The following CRPPA variants were observed in gnomAD, a reference collection of about 807,000 sequenced individuals.
CRPPA encodes the protein D-ribitol-5-phosphate cytidylyltransferase.
Under a neutral mutation model 52.0 loss-of-function variants are expected in CRPPA, and 43 were observed. The ratio of observed to expected loss-of-function variants is 0.83; its 90% confidence interval spans 0.65 to 1.07. The LOEUF (loss-of-function observed/expected upper bound fraction) is 1.07, where lower values mean the gene tolerates loss of function less well. Among genes scored for constraint, CRPPA ranks in the 50% least tolerant of loss-of-function variants. The pLI, the probability that CRPPA is intolerant of heterozygous loss-of-function variation, is 0.00. For missense variants in CRPPA, 629 were observed against 551.7 expected (o/e 1.14, Z -1.40); for synonymous variants, 250 against 203.5 (o/e 1.23, Z -1.94).
chr7:16,275,077 A>C (rs1038989785), intron 6 of CRPPA, among the ~76,000 whole-genome samples: 1 of 152,080 alleles, frequency 6.6e-6, no homozygotes, highest in South Asian at 2.1e-4. Flanking sequence ...CAGTGTCTAA[A>C]AAAAAATAAT....
At chr7:16,370,607 T>G (rs1296831787) in intron 3 of CRPPA, among the ~76,000 whole-genome samples, 1 of 152,064 alleles carries the variant, frequency 6.6e-6, no homozygotes, top group East Asian at 1.9e-4. Context: ...GACAAGAGAA[T>G]CTAAACAACA....
intron 4 of CRPPA, among the ~76,000 whole-genome samples, chr7:16,308,046 T>A (rs1784951964): frequency 6.6e-6 from 1 of 152,058 alleles, no homozygotes; most frequent in Non-Finnish European, 1.5e-5. Context: ...GGGGCAGATT[T>A]CCGCCTTGGA....
At chr7:16,152,836 T>C (rs1783103595) in intron 9 of CRPPA, among the ~76,000 whole-genome samples, 1 of 152,018 alleles carries the variant, frequency 6.6e-6, no homozygotes, top group Non-Finnish European at 1.5e-5. Context: ...TATATAAAGT[T>C]CTCAAAATAT....
rs1229820734 is a variant in CRPPA at position 16,124,923 on chromosome 7, AAAAG to A, written c.1252-33128_1252-33125del. Among the ~76,000 whole-genome samples, 4 of 152,084 alleles carry A rather than the reference AAAAG, an allele frequency of 2.6e-5. No homozygotes were observed. The East Asian group carries it at 7.7e-4, about 29-fold the overall frequency. ...TTGAGGAGTGGAAAGAGGAAGACAAAAAAGAAAGAATAGCTTTTTTGAAACCAAA... is the reference window on the plus strand; with the variant it reads ...TTGAGGAGTGGAAAGAGGAAGACAAAAAAGAATAGCTTTTTTGAAACCAAA... On this transcript the variant is annotated intron_variant, in intron 9 of 9. Coordinates refer to ENST00000407010, the MANE Select transcript of CRPPA (RefSeq NM_001101426.4).
At chr7:16,302,295 CAAAAAAA>C (rs34666735) in intron 4 of CRPPA, among the ~76,000 whole-genome samples, 31 of 53,374 alleles carry the variant, frequency 5.8e-4, no homozygotes, top group African/African-American at 2.1e-3. Context: ...GACTCTGTCT[CAAAAAAA>C]AAAAAAAAAA....
At chr7:16,150,345 T>C (rs1444862947) in intron 9 of CRPPA, among the ~76,000 whole-genome samples, 1 of 152,184 alleles carries the variant, frequency 6.6e-6, no homozygotes, top group Non-Finnish European at 1.5e-5. Context: ...ACATTTCCTG[T>C]CTAATTAAGA....
At chr7:16,383,071 C>CT (rs1389817551) in intron 2 of CRPPA, among the ~76,000 whole-genome samples, 3 of 152,182 alleles carry the variant, frequency 2.0e-5, no homozygotes, top group African/African-American at 7.2e-5. Context: ...AAGTGCTCTG[C>CT]TTTTTAGAGT....
chr7:16,368,105 A>G (rs1041910622), intron 3 of CRPPA, among the ~76,000 whole-genome samples: 1 of 150,092 alleles, frequency 6.7e-6, no homozygotes, highest in African/African-American at 2.5e-5. Context: ...GCATAACACC[A>G]ATTTTCACAG....
intron 8 of CRPPA, among the ~76,000 whole-genome samples, chr7:16,218,986 T>C (rs1317583421): frequency 6.6e-6 from 1 of 152,156 alleles, no homozygotes; most frequent in South Asian, 2.1e-4. Context: ...CAACAGAATA[T>C]ACATTTTTTT....
intron 3 of CRPPA, among the ~76,000 whole-genome samples, chr7:16,358,678 A>T (rs1467117978): frequency 6.6e-6 from 1 of 152,232 alleles, no homozygotes; most frequent in African/African-American, 2.4e-5. Flanking sequence ...CACATTTCAG[A>T]GTAACTACTT....
At chr7:16,211,018 G>T (rs1782120651) in intron 9 of CRPPA, among the ~76,000 whole-genome samples, 1 of 152,120 alleles carries the variant, frequency 6.6e-6, no homozygotes, top group Non-Finnish European at 1.5e-5. Context: ...TATTCAAGGT[G>T]ATGAATATCC....
chr7:16,399,781 C>CT (rs1787749660), intron 2 of CRPPA, among the ~76,000 whole-genome samples: 1 of 151,784 alleles, frequency 6.6e-6, no homozygotes, highest in Non-Finnish European at 1.5e-5. Flanking sequence ...GGCTGACATG[C>CT]TTGGCACGTG....
rs186983335 is a variant in CRPPA at position 16,383,780 on chromosome 7, G to C, written c.535-7539C>G. Among the ~76,000 whole-genome samples, 379 of 152,348 alleles carry C rather than the reference G, an allele frequency of 2.5e-3. 4 individuals are homozygous for C. The highest frequency in any genetic ancestry group is 8.6e-3 in the African/African-American group (357 of 41,584). ...CGCTAGCAATCAGCGAGACTCCATG[G>C]GCGTAGGACCCTCCAAGCCATGTGC... is the stretch of plus-strand genomic sequence containing the variant. On this transcript the variant is annotated intron_variant, in intron 2 of 9. Coordinates refer to ENST00000407010, the MANE Select transcript of CRPPA (RefSeq NM_001101426.4).
At chr7:16,148,402 C>T (rs183270793) in intron 9 of CRPPA, among the ~76,000 whole-genome samples, 40 of 152,068 alleles carry the variant, frequency 2.6e-4, no homozygotes, top group African/African-American at 6.5e-4. Context: ...CTTCAACAGA[C>T]GAATGGATAA....
chr7:16,140,582 T>C (rs1782850812), intron 9 of CRPPA, among the ~76,000 whole-genome samples: 1 of 152,246 alleles, frequency 6.6e-6, no homozygotes, highest in Non-Finnish European at 1.5e-5. Context: ...AGATGTGATC[T>C]GTGAAATACT....
At chr7:16,231,490 C>G (rs1425112050) in intron 8 of CRPPA, among the ~76,000 whole-genome samples, 2 of 152,128 alleles carry the variant, frequency 1.3e-5, no homozygotes, top group Non-Finnish European at 2.9e-5. Flanking sequence ...GGTCATATAT[C>G]CCATTAAATA....
chr7:16,171,303 T>G (rs1373147030), intron 9 of CRPPA, among the ~76,000 whole-genome samples: 2 of 152,216 alleles, frequency 1.3e-5, no homozygotes, highest in Non-Finnish European at 2.9e-5. Context: ...GTATTAAAAT[T>G]TACACAATAA....
In CRPPA at chr7:16,301,456, T is replaced by A. The variant is rs1472436450; in HGVS notation, c.800A>T (p.Lys267Ile). ...GSPDLWKVTYKRDLYAAESII... is the reference protein window; with the variant it reads ...GSPDLWKVTYIRDLYAAESII... ...CGATTCAGCCGCATAGAGATCTCGT[T>A]TGTAGGTCACCTAAAGGACAGATAA... Residue 267 changes from lysine (K) to isoleucine (I), a missense_variant, in exon 5 of 10, where the codon AAA becomes ATA. Transcript: ENST00000407010. The A allele has an allele frequency of 3.7e-6, 6 of 1,612,252 alleles. No homozygotes were observed. Among genetic ancestry groups the A allele is most frequent in the Non-Finnish European group, 5.1e-6 (6 of 1,178,890 alleles).
At chr7:16,403,081 A>G (rs972055467) in intron 2 of CRPPA, among the ~76,000 whole-genome samples, 1 of 152,176 alleles carries the variant, frequency 6.6e-6, no homozygotes, top group Non-Finnish European at 1.5e-5. Context: ...TAGACTTCCC[A>G]AAAGCAATAT....
Sources: allele counts gnomAD v4.1 joint callset (sites outside exome capture counted in the v4.1 genomes callset), GRCh38; gene constraint gnomAD v4.1.1; transcripts MANE v1.5; gene names NCBI Gene and HGNC (gene_info 2026-07-23, HGNC 2026-07-21).